The following CADPS2 variants were observed in gnomAD, a reference collection of about 807,000 sequenced individuals.
CADPS2 encodes the protein calcium-dependent secretion activator 2.
Under a neutral mutation model 172.5 loss-of-function variants are expected in CADPS2, and 93 were observed. The observed-to-expected ratio is 0.54, with a 90% CI of 0.46 to 0.64. CADPS2 has a LOEUF of 0.64. CADPS2 is among the 30% of genes least tolerant of loss of function. CADPS2 has a pLI of 0.00. For synonymous variants in CADPS2, 546 were observed against 555.2 expected, an observed-to-expected ratio of 0.98 and a Z score of 0.23; for missense variants, 1,420 against 1,565.9, an observed-to-expected ratio of 0.91 and a Z score of 1.57.
intron 2 of CADPS2, among the ~76,000 whole-genome samples, chr7:122,665,850 C>A (rs1004246141): frequency 6.6e-6 from 1 of 152,198 alleles, no homozygotes; most frequent in Non-Finnish European, 1.5e-5. Context: ...ATTGGAAAGT[C>A]TCCCTGTCTT....
At chr7:122,642,151 G>T (rs1033695766) in intron 3 of CADPS2, among the ~76,000 whole-genome samples, 2 of 151,730 alleles carry the variant, frequency 1.3e-5, no homozygotes. Context: ...ATGGTGGTAG[G>T]CGCCTGTAAT....
chr7:122,726,773 CA>C (rs35290526), intron 2 of CADPS2, among the ~76,000 whole-genome samples: 2,174 of 129,496 alleles, frequency 0.017, 52 homozygotes, highest in African/African-American at 0.059. Context: ...CTTCCTGATA[CA>C]AAAAAAAAAA....
chr7:122,690,212 T>C (rs1280798007), intron 2 of CADPS2, among the ~76,000 whole-genome samples: 1 of 152,044 alleles, frequency 6.6e-6, no homozygotes, highest in Non-Finnish European at 1.5e-5. Flanking sequence ...TCAGGCAAAA[T>C]TCAAGTCAAT....
At chr7:122,799,884 A>G (rs1797229473) in intron 1 of CADPS2, among the ~76,000 whole-genome samples, 1 of 152,196 alleles carries the variant, frequency 6.6e-6, no homozygotes. Flanking sequence ...AGGAAAGGCC[A>G]CTGAAACTCA....
rs202000609 is a variant in CADPS2 at position 122,681,045 on chromosome 7, C to T, written c.454-17476G>A. On this transcript the variant is annotated intron_variant, in intron 2 of 29. Transcript: ENST00000449022. Reference sequence around the variant, plus strand: ...ATCGCAAGAACAAAAAACCAAACACCGCATATTCTCACTCATAGGTGGGAA... The same window carrying T: ...ATCGCAAGAACAAAAAACCAAACACTGCATATTCTCACTCATAGGTGGGAA... Among the ~76,000 whole-genome samples the T allele has an allele frequency of 8.9e-4, 132 of 148,706 alleles. 2 individuals are homozygous for T. The East Asian group carries it at 0.023, about 26-fold the overall frequency.
intron 3 of CADPS2, 40 bp from the exon 4 acceptor site, chr7:122,629,368 A>C (rs1344821131): frequency 6.6e-7 from 1 of 1,516,706 alleles, no homozygotes; most frequent in East Asian, 2.3e-5. Context: ...GTAATTACTT[A>C]ATCTATATAC....
At chr7:122,331,302 T>C (rs2034907087) in intron 28 of CADPS2, among the ~76,000 whole-genome samples, 1 of 152,214 alleles carries the variant, frequency 6.6e-6, no homozygotes, top group African/African-American at 2.4e-5. Context: ...ATTCTAATTA[T>C]AAAGGCATCT....
At chr7:122,704,516 C>T (rs992209416) in intron 2 of CADPS2, among the ~76,000 whole-genome samples, 3 of 151,748 alleles carry the variant, frequency 2.0e-5, no homozygotes, top group Non-Finnish European at 4.4e-5. Flanking sequence ...AATAATATAA[C>T]TCTGACTTTT....
At chr7:122,820,713 C>T in intron 1 of CADPS2, among the ~76,000 whole-genome samples, 1 of 133,972 alleles carries the variant, frequency 7.5e-6, no homozygotes, top group South Asian at 2.5e-4. Context: ...GCGCCCGCTA[C>T]CACGCCCGGC....
intron 20 of CADPS2, among the ~76,000 whole-genome samples, chr7:122,406,708 T>C (rs139943987): frequency 7.9e-5 from 12 of 152,280 alleles, no homozygotes; most frequent in Non-Finnish European, 1.8e-4. Flanking sequence ...AGACAACTGT[T>C]GCATTGATCA....
intron 27 of CADPS2, among the ~76,000 whole-genome samples, chr7:122,355,274 T>G (rs2039235284): frequency 6.6e-6 from 1 of 152,148 alleles, no homozygotes; most frequent in Admixed American, 6.5e-5. Context: ...TAGAATCAAT[T>G]TATTTATTGC....
intron 16 of CADPS2, among the ~76,000 whole-genome samples, chr7:122,439,051 T>C (rs1170961325): frequency 6.6e-6 from 1 of 152,100 alleles, no homozygotes; most frequent in Non-Finnish European, 1.5e-5. Flanking sequence ...GTGAAATGAA[T>C]GCTTATGAAG....
intron 1 of CADPS2, among the ~76,000 whole-genome samples, chr7:122,761,730 C>G (rs1283814065): frequency 2.0e-5 from 3 of 151,530 alleles, no homozygotes; most frequent in Admixed American, 1.3e-4. Context: ...CATGGTGGCT[C>G]ACACCTGTAA....
rs541050328 is a variant in CADPS2 at position 122,820,655 on chromosome 7, G to A, written c.339+65344C>T. ...GCTCACTGCAAGCTCCGCCTCCCGG[G>A]TTCACGCCATTCTCCTGCCTCAGCC... On this transcript the variant is annotated intron_variant, in intron 1 of 29. Coordinates refer to ENST00000449022, the MANE Select transcript of CADPS2 (RefSeq NM_017954.11). Among the ~76,000 whole-genome samples the A allele has an allele frequency of 5.6e-3, 720 of 129,694 alleles. 104 individuals carry two copies. Among genetic ancestry groups the A allele is most frequent in the Admixed American group, 0.055 (697 of 12,564 alleles). The allele number at this position is 129,694 out of a possible 152,430, so 85.1% of individuals were successfully genotyped here.
intron 5 of CADPS2, among the ~76,000 whole-genome samples, chr7:122,616,609 G>T (rs1587859236): frequency 6.6e-6 from 1 of 151,952 alleles, no homozygotes; most frequent in African/African-American, 2.4e-5. Context: ...TTTCTCACAT[G>T]GAAATACATA....
intron 2 of CADPS2, among the ~76,000 whole-genome samples, chr7:122,673,253 C>T (rs1310920206): frequency 1.3e-5 from 2 of 152,206 alleles, no homozygotes; most frequent in African/African-American, 4.8e-5. Flanking sequence ...AGCCGGTTGC[C>T]GCAGCTGGCT....
chr7:122,870,167 T>TA (rs1819383515), intron 1 of CADPS2, among the ~76,000 whole-genome samples: 1 of 151,862 alleles, frequency 6.6e-6, no homozygotes, highest in Admixed American at 6.6e-5. Context: ...CTTAGTGGAT[T>TA]AAAAAAAGAA....
At chr7:122,698,927 T>C (rs1442456252) in intron 2 of CADPS2, 1 of 1,548,068 alleles carries the variant, frequency 6.5e-7, no homozygotes. Flanking sequence ...ATCTCTCTCT[T>C]CTCCGAGTGA....
At chr7:122,884,459 T>G (rs1458181830) in intron 1 of CADPS2, among the ~76,000 whole-genome samples, 3 of 152,168 alleles carry the variant, frequency 2.0e-5, no homozygotes, top group Admixed American at 1.3e-4. Context: ...ACTGTGCCAA[T>G]TTGTTTGGGA....
Sources: gnomAD v4.1 joint callset for allele counts (sites outside exome capture counted in the v4.1 genomes callset) on GRCh38, gnomAD v4.1.1 for gene constraint, MANE v1.5 for transcripts, NCBI Gene and HGNC (gene_info 2026-07-23, HGNC 2026-07-21) for gene names.